Variants in TRHDE observed in about 807,000 individuals in gnomAD.
The protein encoded by TRHDE is thyrotropin-releasing hormone-degrading ectoenzyme.
In TRHDE, 72 loss-of-function variants were observed where a neutral mutation model predicts 125.7. The ratio of observed to expected loss-of-function variants is 0.57; its 90% CI spans 0.47 to 0.70. The LOEUF is 0.70. Ranked by LOEUF, TRHDE falls within the 30% of genes least tolerant of loss-of-function variation. The pLI, the probability that TRHDE is intolerant of heterozygous loss-of-function variation, is 0.00. For synonymous variants in TRHDE, 509 were observed against 509.1 expected (o/e 1.00, Z 0.00); for missense variants, 1,110 against 1,327.1 (o/e 0.84, Z 2.54).
chr12:72,448,070 A>G (rs1875386924), intron 3 of TRHDE, among the ~76,000 whole-genome samples: 2 of 152,090 alleles, frequency 1.3e-5, no homozygotes, highest in South Asian at 4.1e-4. Flanking sequence ...ATCTCTTTAC[A>G]AGTGTATTTG....
At chr12:72,313,837 C>T (rs56297022) in intron 2 of TRHDE, among the ~76,000 whole-genome samples, 46,582 of 152,064 alleles carry the variant, frequency 0.31, 7,378 homozygotes, top group African/African-American at 0.38. Context: ...CAGATTTCTT[C>T]CCTGATCAGG....
intron 2 of TRHDE, among the ~76,000 whole-genome samples, chr12:72,341,854 T>C (rs1870099980): frequency 6.6e-6 from 1 of 152,150 alleles, no homozygotes; most frequent in African/African-American, 2.4e-5. Context: ...TCTAAAAGTC[T>C]TCTAAAAGTA....
At chr12:72,515,290 C>T (rs1211907126) in intron 6 of TRHDE, among the ~76,000 whole-genome samples, 2 of 139,910 alleles carry the variant, frequency 1.4e-5, no homozygotes, top group Non-Finnish European at 3.0e-5. Flanking sequence ...CACATCCTCT[C>T]CAGCACCTGT....
chr12:72,427,870 T>C (rs1874257131), intron 3 of TRHDE, among the ~76,000 whole-genome samples: 1 of 152,142 alleles, frequency 6.6e-6, no homozygotes, highest in Admixed American at 6.6e-5. Context: ...TATTGATTTC[T>C]AAATCCCACA....
chr12:72,442,350 T>C (rs774046900), intron 3 of TRHDE, among the ~76,000 whole-genome samples: 3 of 151,874 alleles, frequency 2.0e-5, no homozygotes, highest in Non-Finnish European at 2.9e-5. Context: ...TACATGGCTT[T>C]GCAATCTATG....
chr12:72,147,802 T>C (rs141503501), intron 2 of TRHDE: 35 of 152,364 alleles, frequency 2.3e-4, no homozygotes, highest in Non-Finnish European at 4.4e-4. Context: ...GGTTGTATGA[T>C]GTAGTCTCCT....
At chr12:72,592,407 T>G (rs1871722655) in intron 12 of TRHDE, among the ~76,000 whole-genome samples, 1 of 152,210 alleles carries the variant, frequency 6.6e-6, no homozygotes, top group Non-Finnish European at 1.5e-5. Flanking sequence ...TAAAGCCATT[T>G]AAAAGTACTC....
intron 12 of TRHDE, among the ~76,000 whole-genome samples, chr12:72,608,195 G>A (rs1048768807): frequency 1.3e-5 from 2 of 152,100 alleles, no homozygotes; most frequent in Non-Finnish European, 2.9e-5. Flanking sequence ...TGCGCCATAT[G>A]CCATTATTTG....
chr12:72,157,006 T>A (rs778018408), intron 2 of TRHDE, among the ~76,000 whole-genome samples: 9 of 152,150 alleles, frequency 5.9e-5, no homozygotes, highest in Non-Finnish European at 2.9e-5. Context: ...TGTTAAGAGA[T>A]GACACGTAAC....
intron 2 of TRHDE, among the ~76,000 whole-genome samples, chr12:72,296,348 A>T (rs550935090): frequency 6.6e-6 from 1 of 152,332 alleles, no homozygotes; most frequent in East Asian, 1.9e-4. Context: ...GGAAGATGTA[A>T]GTGAAAAGAG....
At chr12:72,165,484 G>A (rs905904908) in intron 2 of TRHDE, among the ~76,000 whole-genome samples, 1 of 152,028 alleles carries the variant, frequency 6.6e-6, no homozygotes, top group African/African-American at 2.4e-5. Context: ...GAGGCTTATA[G>A]GTTCTAGTGA....
chr12:72,639,874 C>A (rs1390436132), intron 15 of TRHDE, among the ~76,000 whole-genome samples: 3 of 152,156 alleles, frequency 2.0e-5, no homozygotes, highest in Non-Finnish European at 4.4e-5. Flanking sequence ...AGATCTCCAG[C>A]TGCGTGCTGG....
intron 2 of TRHDE, among the ~76,000 whole-genome samples, chr12:72,307,324 C>T (rs1868358147): frequency 7.4e-6 from 1 of 134,822 alleles, no homozygotes. Flanking sequence ...GCCACCATAC[C>T]CAGCTATTTT....
At position 72,451,581 on chromosome 12, in the gene TRHDE, G is replaced by T. The variant is rs11179210; in HGVS notation, c.1316-18177G>T. Among the ~76,000 whole-genome samples the T allele has an allele frequency of 8.6e-4, 119 of 138,806 alleles. No homozygotes were observed. In the South Asian group the frequency reaches 0.015, roughly 18 times the overall value. The allele number at this position is 138,806 out of a possible 152,430, so 91.1% of individuals were successfully genotyped here. A position where few individuals can be genotyped will look rare whatever the true frequency, so the allele number is the denominator to read the frequency against. On this transcript the variant is annotated intron_variant, in intron 3 of 18. Coordinates refer to ENST00000261180, the MANE Select transcript of TRHDE (RefSeq NM_013381.3). ...TGTGATGCCTCTGGCTTTGTTTTTT[G>T]TTGTTGTTGTTGTTGTTGTTCAAAA...
intron 2 of TRHDE, among the ~76,000 whole-genome samples, chr12:72,214,749 C>G (rs1043225906): frequency 6.6e-6 from 1 of 152,064 alleles, no homozygotes; most frequent in African/African-American, 2.4e-5. Flanking sequence ...CCCTATAAGA[C>G]AAAACTTAAA....
chr12:72,416,227 T>C (rs1211350243), intron 3 of TRHDE, among the ~76,000 whole-genome samples: 2 of 152,052 alleles, frequency 1.3e-5, no homozygotes, highest in African/African-American at 4.8e-5. Context: ...TTTTTGCCTA[T>C]TTGAAACATT....
At chr12:72,605,359 T>C (rs1350445892) in intron 12 of TRHDE, among the ~76,000 whole-genome samples, 3 of 152,124 alleles carry the variant, frequency 2.0e-5, no homozygotes, top group Non-Finnish European at 4.4e-5. Flanking sequence ...ATTTACATTA[T>C]ACTCCTTGCG....
intron 2 of TRHDE, among the ~76,000 whole-genome samples, chr12:72,242,115 G>A (rs530011711): frequency 6.6e-6 from 1 of 152,266 alleles, no homozygotes; most frequent in African/African-American, 2.4e-5. Context: ...ACATTTCAGT[G>A]TCTTTCATAG....
In TRHDE at chr12:72,618,989, A is replaced by T; in HGVS notation, c.2420A>T (p.Tyr807Phe). The T allele has an allele frequency of 1.3e-6, 2 of 1,598,224 alleles. No individual in the cohort carries two copies. Among genetic ancestry groups the T allele is most frequent in the Non-Finnish European group, 1.7e-6 (2 of 1,172,746 alleles). The change falls in exon 13 of 19, where the codon TAT (tyrosine) becomes TTT (phenylalanine). Residue 807 changes from tyrosine to phenylalanine, a missense_variant. By Grantham distance (22) the Tyr-to-Phe change is conservative. Around this residue, in one of 5 missense-constraint regions of TRHDE, gnomAD observed 527 missense variants for 651.8 expected, o/e 0.81. Transcript: ENST00000261180. ...TGGCATGCTGCCAGCCGAGCTCTTT[A>T]TCCTCTAGATAAATTACTGGACCGC... ...LPWHAASRAL[Y>F]PLDKLLDRME...
Sources: allele counts gnomAD v4.1 joint callset (sites outside exome capture counted in the v4.1 genomes callset), GRCh38; gene constraint gnomAD v4.1.1; regional missense constraint gnomAD v4.1.1; transcripts MANE v1.5; gene names NCBI Gene and HGNC (gene_info 2026-07-23, HGNC 2026-07-21).